EDIL3: variants seen among roughly 807,000 people sequenced by gnomAD.
The protein encoded by EDIL3 is EGF like and discoidin domains 3.
A neutral mutation model predicts 67.4 loss-of-function variants in EDIL3; 37 were observed. That is an observed-to-expected ratio of 0.55 (90% CI 0.42 to 0.72). The LOEUF (loss-of-function observed/expected upper bound fraction) is 0.72, where lower values mean the gene tolerates loss of function less well. Ranked by LOEUF, EDIL3 falls within the 30% of genes least tolerant of loss-of-function variation. The pLI is 0.00. For synonymous variants in EDIL3, 195 were observed against 196.3 expected (o/e 0.99, Z 0.05); for missense variants, 527 against 586.3 (o/e 0.90, Z 1.04).
chr5:84,043,821 T>G (rs1186924215), intron 9 of EDIL3, among the ~76,000 whole-genome samples: 1 of 152,236 alleles, frequency 6.6e-6, no homozygotes, highest in Non-Finnish European at 1.5e-5. Flanking sequence ...CAAAGTGCTA[T>G]AGAAATACAA....
chr5:84,360,227 G>T (rs891707078), intron 1 of EDIL3, among the ~76,000 whole-genome samples: 1 of 152,156 alleles, frequency 6.6e-6, no homozygotes, highest in Non-Finnish European at 1.5e-5. Context: ...GGTAGGAGAA[G>T]GTGGGAGGAG....
intron 1 of EDIL3, among the ~76,000 whole-genome samples, chr5:84,357,210 C>A (rs1184366770): frequency 6.6e-6 from 1 of 152,038 alleles, no homozygotes; most frequent in African/African-American, 2.4e-5. Flanking sequence ...CAGGCATGAG[C>A]CACCACGCCT....
chr5:84,127,872 A>G (rs2112305237), intron 5 of EDIL3, among the ~76,000 whole-genome samples: 1 of 152,166 alleles, frequency 6.6e-6, no homozygotes, highest in South Asian at 2.1e-4. Context: ...GTGACCTGTA[A>G]ATCTGAATCT....
chr5:83,963,454 C>G, intron 9 of EDIL3, 94 bp from the exon 10 acceptor site: 1 of 1,320,406 alleles, frequency 7.6e-7, no homozygotes, highest in Non-Finnish European at 1.0e-6. Flanking sequence ...TATATATATC[C>G]TAAAATCAAA....
At chr5:84,062,118 A>G (rs1009474626) in intron 8 of EDIL3, among the ~76,000 whole-genome samples, 13 of 152,070 alleles carry the variant, frequency 8.5e-5, no homozygotes, top group Non-Finnish European at 1.5e-4. Context: ...GGAGATAAGT[A>G]TCTGAAGCCT....
chr5:84,029,576 C>T (rs1223752902), intron 9 of EDIL3, among the ~76,000 whole-genome samples: 1 of 151,936 alleles, frequency 6.6e-6, no homozygotes, highest in Non-Finnish European at 1.5e-5. Flanking sequence ...ATGAAAATTC[C>T]CTCAATGCTT....
intron 9 of EDIL3, among the ~76,000 whole-genome samples, chr5:83,983,653 A>G (rs1468227838): frequency 6.6e-6 from 1 of 152,030 alleles, no homozygotes; most frequent in African/African-American, 2.4e-5. Context: ...TCAGTAATGC[A>G]CAATGGGGGA....
intron 3 of EDIL3, chr5:84,196,806 A>T (rs1468522587): frequency 2.6e-5 from 4 of 152,012 alleles, no homozygotes; most frequent in Non-Finnish European, 4.4e-5. Flanking sequence ...CTTTTATACC[A>T]CTGTATTTTG....
At chr5:83,994,640 A>G (rs563107627) in intron 9 of EDIL3, among the ~76,000 whole-genome samples, 1 of 152,290 alleles carries the variant, frequency 6.6e-6, no homozygotes, top group South Asian at 2.1e-4. Context: ...ATTTTATCAG[A>G]GAGAAACACT....
chr5:84,169,817 A>ATT (rs1452171751), intron 4 of EDIL3, among the ~76,000 whole-genome samples: 1 of 152,018 alleles, frequency 6.6e-6, no homozygotes, highest in Non-Finnish European at 1.5e-5. Flanking sequence ...GCAATTCTAG[A>ATT]TTTCAGGCAT....
chr5:84,315,652 T>C (rs1365899666), intron 1 of EDIL3, among the ~76,000 whole-genome samples: 2 of 152,066 alleles, frequency 1.3e-5, no homozygotes, highest in Non-Finnish European at 2.9e-5. Context: ...ACTAGGGAAG[T>C]TTCCCTGAAT....
At chr5:84,074,194 A>T (rs1746805204) in intron 6 of EDIL3, among the ~76,000 whole-genome samples, 1 of 148,328 alleles carries the variant, frequency 6.7e-6, no homozygotes, top group African/African-American at 2.5e-5. Flanking sequence ...TACAAAAATT[A>T]ATTCAAGACG....
chr5:84,230,576 G>A (rs1744553337), intron 2 of EDIL3, among the ~76,000 whole-genome samples: 1 of 151,898 alleles, frequency 6.6e-6, no homozygotes, highest in African/African-American at 2.4e-5. Flanking sequence ...CCTGGCTAAT[G>A]TTGTACTTTT....
At position 84,044,003 on chromosome 5, in the gene EDIL3, C is replaced by G. The variant is rs1746176893; in HGVS notation, c.1137+16297G>C. ...TTCGCTGCACCTATCAACCCGTCATCTAGGTTTTAAGCCCCACATGTGTTA... is the reference window on the plus strand; with the variant it reads ...TTCGCTGCACCTATCAACCCGTCATGTAGGTTTTAAGCCCCACATGTGTTA... On this transcript the variant is annotated intron_variant, in intron 9 of 10. Transcript: ENST00000296591. 2.0e-5 allele frequency among the ~76,000 whole-genome samples: 3 copies of G among 152,098 alleles called. No homozygotes were observed. In the South Asian group the frequency reaches 6.2e-4, roughly 32 times the overall value.
intron 4 of EDIL3, among the ~76,000 whole-genome samples, chr5:84,140,894 A>G (rs576024803): frequency 2.8e-4 from 43 of 152,244 alleles, no homozygotes; most frequent in African/African-American, 9.9e-4. Flanking sequence ...TATTTGTATA[A>G]TGCAGGAGTT....
In EDIL3 at chr5:84,183,354, T is replaced by C. The variant is rs373831019; in HGVS notation, c.227-2833A>G. 2.6e-5 allele frequency among the ~76,000 whole-genome samples: 4 copies of C among 152,300 alleles called. No homozygotes were observed. The East Asian group carries it at 5.8e-4, about 22-fold the overall frequency. On this transcript the variant is annotated intron_variant, in intron 3 of 10. Coordinates refer to ENST00000296591, the MANE Select transcript of EDIL3 (RefSeq NM_005711.5). ...GGAGGGGAGAATGAAATGATAGTGA[T>C]GTTAGAGTTTTGACTCATCAATTCA...
rs1166903631 is a variant in EDIL3 at position 83,963,236 on chromosome 5, A to G, written c.1262T>C (p.Val421Ala). 1 of 1,606,380 alleles carries G rather than the reference A, an allele frequency of 6.2e-7. No homozygotes were observed. The highest frequency in any genetic ancestry group is 2.2e-5 in the East Asian group (1 of 44,496). ...TTTTCTTTGCTTTTCATCCTGGTAT[A>G]CAGTCCAGTGTTCTCCATCATTGCT... Reference protein sequence around the residue: ...AYSNDGEHWTVYQDEKQRKDK... With the variant: ...AYSNDGEHWTAYQDEKQRKDK... Residue 421 changes from valine to alanine, a missense_variant, in exon 10 of 11, where the codon GTA becomes GCA. Around this residue, in one of 2 missense-constraint regions of EDIL3, gnomAD observed 494 missense variants for 522.5 expected, o/e 0.95. Coordinates refer to ENST00000296591, the MANE Select transcript of EDIL3 (RefSeq NM_005711.5).
chr5:84,258,639 C>T (rs1473452746), intron 1 of EDIL3, among the ~76,000 whole-genome samples: 2 of 152,152 alleles, frequency 1.3e-5, no homozygotes, highest in African/African-American at 4.8e-5. Flanking sequence ...GACCCACAAA[C>T]CCCTCTCACT....
At chr5:84,090,699 G>A (rs112900998) in intron 6 of EDIL3, among the ~76,000 whole-genome samples, 295 of 152,182 alleles carry the variant, frequency 1.9e-3, no homozygotes, top group African/African-American at 6.9e-3. Context: ...TGTTATCCCA[G>A]CACTTTGGGA....
Sources: allele counts gnomAD v4.1 joint callset (sites outside exome capture counted in the v4.1 genomes callset), GRCh38; gene constraint gnomAD v4.1.1; regional missense constraint gnomAD v4.1.1; transcripts MANE v1.5; gene names NCBI Gene and HGNC (gene_info 2026-07-23, HGNC 2026-07-21).